Variants in HEXA observed in about 807,000 individuals in gnomAD.
HEXA encodes the protein hexosaminidase subunit alpha, also known as beta-hexosaminidase subunit alpha.
A neutral mutation model predicts 73.3 loss-of-function variants in HEXA; 54 were observed. The ratio of observed to expected loss-of-function variants is 0.74; its 90% CI spans 0.59 to 0.92. The LOEUF is 0.92. Among genes scored for constraint, HEXA ranks in the 40% least tolerant of loss-of-function variants. The pLI, the probability that HEXA is intolerant of heterozygous loss-of-function variation, is 0.00. For missense variants in HEXA, 649 were observed against 653.0 expected, an observed-to-expected ratio of 0.99 and a Z score of 0.07; for synonymous variants, 230 against 246.9, an observed-to-expected ratio of 0.93 and a Z score of 0.64.
intron 1 of HEXA, among the ~76,000 whole-genome samples, chr15:72,362,758 A>T (rs1308069511): frequency 6.6e-6 from 1 of 152,156 alleles, no homozygotes; most frequent in African/African-American, 2.4e-5. Flanking sequence ...GTCACTAATA[A>T]CTATTAGGGT....
chr15:72,348,182 C>T, intron 8 of HEXA, 48 bp from the exon 9 acceptor site: 1 of 1,334,054 alleles, frequency 7.5e-7, no homozygotes, highest in Non-Finnish European at 1.1e-6. Flanking sequence ...ATCCTGAAAG[C>T]CTAATGCCTG....
intron 1 of HEXA, among the ~76,000 whole-genome samples, chr15:72,374,033 A>G (rs1378964682): frequency 6.6e-6 from 1 of 151,202 alleles, no homozygotes; most frequent in African/African-American, 2.4e-5. Flanking sequence ...AAAGGAAAGG[A>G]ATTATTCTCA....
rs1304040097 is a variant in HEXA at position 72,375,841 on chromosome 15, A to C, written c.132T>G (p.Phe44Leu). The change falls in exon 1 of 14, where the codon TTT becomes TTG. Residue 44 changes from phenylalanine to leucine, a missense_variant. Phe to Leu is a conservative substitution (Grantham distance 22). Transcript: ENST00000268097. ...DQRYVLYPNN[F>L]QFQYDVSSAA... The stretch of plus-strand genomic sequence containing the variant: ...CCGAGCTGACATCGTACTGGAATTG[A>C]AAGTTGTTCGGGTAAAGGACGTAGC... 1.9e-6 allele frequency: 3 copies of C among 1,614,104 alleles called. No individual in the cohort carries two copies. The highest frequency in any genetic ancestry group is 2.7e-5 in the African/African-American group (2 of 74,946).
chr15:72,367,831 C>T (rs1334012310), intron 1 of HEXA, among the ~76,000 whole-genome samples: 1 of 152,188 alleles, frequency 6.6e-6, no homozygotes, highest in Non-Finnish European at 1.5e-5. Flanking sequence ...TATCTTCACC[C>T]CCACTAACTT....
chr15:72,356,537 A>C lies in HEXA; in HGVS notation c.334T>G (p.Ser112Ala). Residue 112 changes from serine (S) to alanine (A), a missense_variant, in exon 2 of 14, where the codon TCA becomes GCA. Physicochemically the swap from Ser to Ala is moderately conservative, Grantham distance 99. Transcript: ENST00000268097. ...GGATGGTACTTACAATTCTCCACTG[A>C]CTCCAAAGTAGGAAGCTGGTTACAT... The part of the protein sequence containing the change: ...PGCNQLPTLE[S>A]VENYTLTIND... 3.7e-6 allele frequency: 6 copies of C among 1,614,034 alleles called. No homozygotes were observed. The highest frequency in any genetic ancestry group is 5.1e-6 in the Non-Finnish European group (6 of 1,179,972).
rs1006261593 is a variant in HEXA at position 72,342,075 on chromosome 15, C to T, written c.*2002G>A. 5.9e-5 allele frequency: 9 copies of T among 152,264 alleles called. No homozygotes were observed. The highest frequency in any genetic ancestry group is 4.1e-4 in the South Asian group (2 of 4,820). The allele number at this position is 152,264 out of a possible 1,614,324, so 9.4% of individuals were successfully genotyped here. A position where few individuals can be genotyped will look rare whatever the true frequency, so the allele number is the denominator to read the frequency against. On this transcript the variant is annotated 3_prime_UTR_variant, in exon 14 of 14. Transcript: ENST00000268097. Reference sequence around the variant, plus strand: ...TGACCAGGAGGGAAGCAGGGTCGCACCTGTGCAGGGTCCTTGTCTGCGGAC... The same window carrying T: ...TGACCAGGAGGGAAGCAGGGTCGCATCTGTGCAGGGTCCTTGTCTGCGGAC...
chr15:72,355,851 G>C, intron 2 of HEXA: 1 of 597,744 alleles, frequency 1.7e-6, no homozygotes. Context: ...GTAGACCCTG[G>C]ATGATGATGT....
chr15:72,349,007 CCCTCGGGTGCTAACTTCTATT>C (rs1306617636), intron 8 of HEXA, 51 bp downstream of exon 8: 8 of 1,260,538 alleles, frequency 6.3e-6, no homozygotes, highest in Non-Finnish European at 9.3e-6. Context: ...GCTAAGCAGC[CCCTCGGGTGCTAACTTCTATT>C]CTGAGTAAGC....
intron 12 of HEXA, 129 bp from the exon 13 acceptor site, chr15:72,345,679 T>C (rs1567295333): frequency 6.7e-7 from 1 of 1,493,028 alleles, no homozygotes; most frequent in Non-Finnish European, 9.0e-7. Context: ...ATCAATACCT[T>C]GTTATGAGCC....
intron 3 of HEXA, chr15:72,355,158 T>C (rs1231207461): frequency 1.6e-5 from 5 of 314,088 alleles, no homozygotes; most frequent in African/African-American, 1.1e-4. Context: ...TTGCTGATGC[T>C]GCACAGGGTA....
At position 72,341,565 on chromosome 15, in the gene HEXA, A is replaced by G. The variant is rs1157429131; in HGVS notation, c.*2512T>C. 6.6e-6 allele frequency: 1 copy of G among 152,264 alleles called. No individual in the cohort carries two copies. Among genetic ancestry groups the G allele is most frequent in the East Asian group, 1.9e-4 (1 of 5,196 alleles). 9.4% of individuals were successfully genotyped at this position (152,264 alleles called of 1,614,324 possible). A position where few individuals can be genotyped will look rare whatever the true frequency, so the allele number is the denominator to read the frequency against. ...CTCTTTTCCTAGGATGACTGGAGCC[A>G]GGAAGTCAGTCTGGAAACTTCCCCA... On this transcript the variant is annotated 3_prime_UTR_variant, in exon 14 of 14. Transcript: ENST00000268097.
At chr15:72,374,728 A>G (rs2089036580) in intron 1 of HEXA, among the ~76,000 whole-genome samples, 1 of 152,188 alleles carries the variant, frequency 6.6e-6, no homozygotes, top group Middle Eastern at 3.2e-3. Context: ...AATTATCCTC[A>G]AATACAATTT....
At chr15:72,362,456 G>C (rs1223026977) in intron 1 of HEXA, 1 of 455,776 alleles carries the variant, frequency 2.2e-6, no homozygotes, top group Non-Finnish European at 4.4e-6. Flanking sequence ...CAGTCATTCA[G>C]TACATGTTTG....
At chr15:72,361,399 T>C (rs548624016) in intron 1 of HEXA, among the ~76,000 whole-genome samples, 2 of 152,306 alleles carry the variant, frequency 1.3e-5, no homozygotes, top group African/African-American at 2.4e-5. Flanking sequence ...TCCAAACTTC[T>C]CTTTTTCCCT....
At chr15:72,356,489 T>G in intron 2 of HEXA, 36 bp downstream of exon 2, 2 of 1,611,630 alleles carry the variant, frequency 1.2e-6, no homozygotes, top group Non-Finnish European at 1.7e-6. Context: ...AGACAAGTGT[T>G]TGCTCTTCTA....
At position 72,346,222 on chromosome 15, in the gene HEXA, C is replaced by T. The variant is rs375201437; in HGVS notation, c.1421+13G>A. 14 of 1,608,434 alleles carry T rather than the reference C, an allele frequency of 8.7e-6. No individual in the cohort carries two copies. Among genetic ancestry groups the T allele is most frequent in the Admixed American group, 6.7e-5 (4 of 59,852 alleles). On this transcript the variant is annotated intron_variant, in intron 12 of 13. Transcript: ENST00000268097. The stretch of plus-strand genomic sequence containing the variant: ...CAGGCCCAACCCTCCACCTCCCCCC[C>T]GAAAACCCTTACCAGAGCCTGGGGA...
At chr15:72,374,376 G>A (rs1036163627) in intron 1 of HEXA, among the ~76,000 whole-genome samples, 3 of 152,154 alleles carry the variant, frequency 2.0e-5, no homozygotes, top group Admixed American at 1.3e-4. Flanking sequence ...ATCCTCTCCA[G>A]CTTAATGCAT....
intron 13 of HEXA, 146 bp from the exon 14 acceptor site, chr15:72,344,286 T>C: frequency 1.5e-6 from 1 of 684,238 alleles, no homozygotes. Context: ...GGAATCTCAA[T>C]TCCAGAGATT....
rs121907955 is a variant in HEXA at position 72,345,461 on chromosome 15, C to A, written c.1511G>T (p.Arg504Leu). The change falls in exon 13 of 14, where the codon CGC (arginine) becomes CTC (leucine). Residue 504 changes from arginine (R) to leucine (L), a missense_variant. Transcript: ENST00000268097. Reference protein sequence around the residue: ...TFAYERLSHFRCELLRRGVQA... With the variant: ...TFAYERLSHFLCELLRRGVQA... ...GCTTGCTTACCTCAGCAATTCACAG[C>A]GGAAGTGTGACAAACGTTCATAGGC... 1 of 1,614,170 alleles carries A rather than the reference C, an allele frequency of 6.2e-7. No individual in the cohort carries two copies. The highest frequency in any genetic ancestry group is 1.1e-5 in the South Asian group (1 of 91,084).
Sources: allele counts gnomAD v4.1 joint callset (sites outside exome capture counted in the v4.1 genomes callset), GRCh38; gene constraint gnomAD v4.1.1; transcripts MANE v1.5; gene names NCBI Gene and HGNC (gene_info 2026-07-23, HGNC 2026-07-21).